FCHSD2: variants seen among roughly 807,000 people sequenced by gnomAD.
FCHSD2 encodes the protein FCH and double SH3 domains 2, also known as F-BAR and double SH3 domains protein 2.
Under a neutral mutation model 108.1 loss-of-function variants are expected in FCHSD2, and 38 were observed. That is an observed-to-expected ratio of 0.35 (90% CI 0.27 to 0.46). The LOEUF is 0.46. Ranked by LOEUF, FCHSD2 falls within the 20% of genes least tolerant of loss-of-function variation. FCHSD2 has a pLI of 1.00. For missense variants in FCHSD2, 751 were observed against 897.8 expected (o/e 0.84, Z 2.09); for synonymous variants, 279 against 314.7 (o/e 0.89, Z 1.20).
chr11:73,025,738 A>C (rs1858212698), intron 3 of FCHSD2, among the ~76,000 whole-genome samples: 1 of 152,204 alleles, frequency 6.6e-6, no homozygotes, highest in Non-Finnish European at 1.5e-5. Context: ...TTGTGACTAA[A>C]CTATATCTCT....
chr11:72,926,163 C>T (rs1204661823), intron 8 of FCHSD2, among the ~76,000 whole-genome samples: 1 of 152,144 alleles, frequency 6.6e-6, no homozygotes, highest in Admixed American at 6.5e-5. Flanking sequence ...CCCAGTAAGG[C>T]CCCACCTTCA....
intron 8 of FCHSD2, among the ~76,000 whole-genome samples, chr11:72,978,083 T>C (rs1857140605): frequency 6.6e-6 from 1 of 152,068 alleles, no homozygotes; most frequent in Non-Finnish European, 1.5e-5. Context: ...ACACCACATG[T>C]TCTCACTCAT....
chr11:72,867,258 ACTTAGATCT>A (rs1854748502), intron 13 of FCHSD2, among the ~76,000 whole-genome samples: 1 of 152,212 alleles, frequency 6.6e-6, no homozygotes, highest in African/African-American at 2.4e-5. Context: ...TTTTTCTGGT[ACTTAGATCT>A]CCAACATGAA....
At chr11:73,089,813 T>C (rs959634977) in intron 2 of FCHSD2, among the ~76,000 whole-genome samples, 8 of 152,156 alleles carry the variant, frequency 5.3e-5, no homozygotes, top group African/African-American at 7.2e-5. Flanking sequence ...AATCCAAAAG[T>C]ACAGTATTTT....
At chr11:72,920,705 C>T (rs976061259) in intron 9 of FCHSD2, among the ~76,000 whole-genome samples, 2 of 152,272 alleles carry the variant, frequency 1.3e-5, no homozygotes, top group South Asian at 2.1e-4. Context: ...AATATATATA[C>T]ATTAAAATCA....
At position 72,889,875 on chromosome 11, in the gene FCHSD2, G is replaced by A. The variant is rs1855278368; in HGVS notation, c.995C>T (p.Ala332Val). The A allele has an allele frequency of 2.5e-6, 4 of 1,613,304 alleles. No individual in the cohort carries two copies. In the African/African-American group the frequency reaches 5.3e-5, roughly 22 times the overall value. ...HSLNKEARKWATRVAREHKNI... is the reference protein window; with the variant it reads ...HSLNKEARKWVTRVAREHKNI... ...TTTATGCTCACGTGCCACACGTGTG[G>A]CCCATTTTCGAGCTTCCTTATTTAG... The change falls in exon 11 of 20, where the codon GCC becomes GTC. Residue 332 changes from alanine to valine, a missense_variant. Physicochemically the swap from Ala to Val is moderately conservative, Grantham distance 64 (BLOSUM62 0). Coordinates refer to ENST00000409418, the MANE Select transcript of FCHSD2 (RefSeq NM_014824.3).
chr11:73,093,141 C>G (rs907648480), intron 2 of FCHSD2, among the ~76,000 whole-genome samples: 10 of 152,214 alleles, frequency 6.6e-5, no homozygotes, highest in Admixed American at 4.6e-4. Context: ...TGGCAAGACT[C>G]TGTGCATACT....
At chr11:73,075,179 A>G (rs891568862) in intron 3 of FCHSD2, among the ~76,000 whole-genome samples, 4 of 152,238 alleles carry the variant, frequency 2.6e-5, no homozygotes, top group African/African-American at 4.8e-5. Flanking sequence ...ATTTAAAGCA[A>G]TAACAACTCT....
chr11:73,050,864 C>A (rs1858882900), intron 3 of FCHSD2, among the ~76,000 whole-genome samples: 1 of 152,210 alleles, frequency 6.6e-6, no homozygotes, highest in South Asian at 2.1e-4. Context: ...AACACCCCTT[C>A]TTGCTACAAT....
chr11:72,903,207 A>ATTTATTTATT (rs1855562632), intron 9 of FCHSD2, among the ~76,000 whole-genome samples: 2 of 10,718 alleles, frequency 1.9e-4, no homozygotes, highest in African/African-American at 2.3e-4. Flanking sequence ...ATTTATTTAT[A>ATTTATTTATT]TATTTATTTA....
chr11:72,943,371 C>T (rs1856458486), intron 8 of FCHSD2, among the ~76,000 whole-genome samples: 1 of 152,180 alleles, frequency 6.6e-6, no homozygotes, highest in South Asian at 2.1e-4. Flanking sequence ...TTAGGATTAA[C>T]TGAGGACTAC....
intron 6 of FCHSD2, among the ~76,000 whole-genome samples, chr11:72,988,376 C>T (rs531866943): frequency 6.6e-6 from 1 of 152,194 alleles, no homozygotes; most frequent in South Asian, 2.1e-4. Flanking sequence ...TCCTTCTTTT[C>T]CTACTTATTC....
intron 8 of FCHSD2, among the ~76,000 whole-genome samples, chr11:72,979,674 T>C (rs986953776): frequency 3.9e-4 from 59 of 152,164 alleles, no homozygotes; most frequent in African/African-American, 1.4e-3. Flanking sequence ...TTCATAAACA[T>C]AGTATCTCAA....
chr11:72,940,551 C>A, intron 8 of FCHSD2: 1 of 1,072,998 alleles, frequency 9.3e-7, no homozygotes, highest in Non-Finnish European at 1.4e-6. Flanking sequence ...AGTCTCATGT[C>A]ATGCGCTTTC....
chr11:73,128,671 A>C (rs2135568556), intron 2 of FCHSD2, among the ~76,000 whole-genome samples: 1 of 152,304 alleles, frequency 6.6e-6, no homozygotes, highest in Non-Finnish European at 1.5e-5. Flanking sequence ...ATATGAAAAT[A>C]TAGTACTTGG....
chr11:72,971,679 G>A (rs1857009038), intron 8 of FCHSD2, among the ~76,000 whole-genome samples: 1 of 152,138 alleles, frequency 6.6e-6, no homozygotes, highest in Non-Finnish European at 1.5e-5. Flanking sequence ...CCAACAACCT[G>A]AATGACCCTG....
chr11:72,885,624 A>G (rs1456321874), intron 12 of FCHSD2, among the ~76,000 whole-genome samples: 1 of 152,066 alleles, frequency 6.6e-6, no homozygotes, highest in African/African-American at 2.4e-5. Flanking sequence ...TACATGAAAT[A>G]CCCCTCAGAA....
intron 8 of FCHSD2, among the ~76,000 whole-genome samples, chr11:72,948,638 C>T (rs1476013634): frequency 6.6e-6 from 1 of 150,708 alleles, no homozygotes; most frequent in African/African-American, 2.4e-5. Context: ...TTAATGGATA[C>T]AATTAAGATT....
At chr11:72,929,477 CA>C (rs1856146541) in intron 8 of FCHSD2, among the ~76,000 whole-genome samples, 1 of 152,116 alleles carries the variant, frequency 6.6e-6, no homozygotes, top group African/African-American at 2.4e-5. Context: ...TGCTAGTGTG[CA>C]TAGAGTTAAT....
Sources: gnomAD v4.1 joint callset for allele counts (sites outside exome capture counted in the v4.1 genomes callset) on GRCh38, gnomAD v4.1.1 for gene constraint, MANE v1.5 for transcripts, NCBI Gene and HGNC (gene_info 2026-07-23, HGNC 2026-07-21) for gene names.